The following PALS2 variants were observed in gnomAD, a reference collection of about 807,000 sequenced individuals.
PALS2 encodes the protein protein PALS2.
In PALS2, 27 loss-of-function variants were observed where a neutral mutation model predicts 61.6. The ratio of observed to expected loss-of-function variants is 0.44; its 90% CI spans 0.32 to 0.60. PALS2 has a LOEUF of 0.60. Among genes scored for constraint, PALS2 ranks in the 20% least tolerant of loss-of-function variants. The pLI is 0.05. For synonymous variants in PALS2, 236 were observed against 218.6 expected, an observed-to-expected ratio of 1.08 and a Z score of -0.70; for missense variants, 554 against 639.4, an observed-to-expected ratio of 0.87 and a Z score of 1.44.
intron 1 of PALS2, among the ~76,000 whole-genome samples, chr7:24,622,739 A>C (rs1327454715): frequency 1.4e-5 from 2 of 148,058 alleles, no homozygotes; most frequent in East Asian, 3.9e-4. Flanking sequence ...AAAGTTGAAT[A>C]AAAATGCCAA....
At chr7:24,627,078 C>A (rs191513829) in intron 2 of PALS2, among the ~76,000 whole-genome samples, 2 of 152,142 alleles carry the variant, frequency 1.3e-5, no homozygotes, top group Non-Finnish European at 2.9e-5. Context: ...TTCCTCTCAG[C>A]GCCACATAGC....
chr7:24,655,946 CCTT>C (rs1562645452), intron 5 of PALS2, among the ~76,000 whole-genome samples: 1 of 149,778 alleles, frequency 6.7e-6, no homozygotes, highest in Non-Finnish European at 1.5e-5. Context: ...ACCAAACATA[CCTT>C]CTTGTTATCT....
At position 24,679,245 on chromosome 7, in the gene PALS2, A is replaced by G. The variant is rs1787789805; in HGVS notation, c.1229A>G (p.Tyr410Cys). Residue 410 changes from tyrosine to cysteine, a missense_variant, in exon 10 of 12, where the codon TAT becomes TGT. Coordinates refer to ENST00000222644, the MANE Select transcript of PALS2 (RefSeq NM_001303037.2). ...KAGKYLEHGE[Y>C]EGNLYGTKID... ...GGAAAGTATTTGGAACATGGGGAAT[A>G]TGAAGGAAATCTCTATGGAACCAAA... 1 of 1,614,098 alleles carries G rather than the reference A, an allele frequency of 6.2e-7. No individual in the cohort carries two copies. Among genetic ancestry groups the G allele is most frequent in the Non-Finnish European group, 8.5e-7 (1 of 1,179,944 alleles).
chr7:24,692,909 A>G lies in PALS2; in HGVS notation c.*5295A>G, dbSNP rs1788541060. The stretch of plus-strand genomic sequence containing the variant: ...CATCTATTTCTTTATAGAAAGAAAC[A>G]TTCACAGTGAGGTCTTAGTTTGTGA... On this transcript the variant is annotated 3_prime_UTR_variant, in exon 12 of 12. Transcript: ENST00000222644. 6.6e-6 allele frequency: 1 copy of G among 152,210 alleles called. No homozygotes were observed. The highest frequency in any genetic ancestry group is 2.1e-4 in the South Asian group (1 of 4,830). 9.4% of individuals were successfully genotyped at this position (152,210 alleles called of 1,614,324 possible). A position where few individuals can be genotyped will look rare whatever the true frequency, so the allele number is the denominator to read the frequency against.
intron 2 of PALS2, among the ~76,000 whole-genome samples, chr7:24,626,315 GA>G (rs1205322509): frequency 3.3e-5 from 5 of 151,490 alleles, no homozygotes; most frequent in African/African-American, 1.2e-4. Context: ...AAGAAAGAAT[GA>G]AAAAAAGATA....
chr7:24,680,986 G>A (rs77176338), intron 11 of PALS2, among the ~76,000 whole-genome samples: 1 of 152,192 alleles, frequency 6.6e-6, no homozygotes, highest in East Asian at 1.9e-4. Context: ...ATCTGGAACA[G>A]TATTCTTTTA....
Position 24,680,512 on chromosome 7 carries a change from C to T in PALS2, c.1438C>T (p.Leu480Phe). The T allele has an allele frequency of 6.2e-7, 1 of 1,613,642 alleles. No individual in the cohort carries two copies. The highest frequency in any genetic ancestry group is 8.5e-7 in the Non-Finnish European group (1 of 1,179,724). ...AVVDAGITTKLLTDSDLKKTV... is the reference protein window; with the variant it reads ...AVVDAGITTKFLTDSDLKKTV... ...GGTGGATGCAGGAATCACTACCAAG[C>T]TTCTGACCGTGAGCTAACCATACGA... The change falls in exon 11 of 12, where the codon CTT (leucine) becomes TTT (phenylalanine). Residue 480 changes from leucine to phenylalanine, a missense_variant. Transcript: ENST00000222644.
chr7:24,643,493 C>CT (rs369186559), intron 3 of PALS2, among the ~76,000 whole-genome samples: 3 of 152,066 alleles, frequency 2.0e-5, no homozygotes, highest in Admixed American at 6.6e-5. Flanking sequence ...TTAACTTACT[C>CT]TTTTTTTAAG....
At chr7:24,617,342 A>G (rs1488904660) in intron 1 of PALS2, among the ~76,000 whole-genome samples, 1 of 152,026 alleles carries the variant, frequency 6.6e-6, no homozygotes, top group Non-Finnish European at 1.5e-5. Context: ...TTTCCTTACG[A>G]TTATTATTTT....
intron 9 of PALS2, among the ~76,000 whole-genome samples, chr7:24,669,285 T>C (rs1232641724): frequency 6.6e-6 from 1 of 152,244 alleles, no homozygotes; most frequent in Non-Finnish European, 1.5e-5. Context: ...TATTTGCATA[T>C]TTACATAGAA....
At chr7:24,656,079 A>G (rs1446595846) in intron 5 of PALS2, among the ~76,000 whole-genome samples, 1 of 152,172 alleles carries the variant, frequency 6.6e-6, no homozygotes, top group East Asian at 1.9e-4. Context: ...GTCATGGAAA[A>G]TCTCTTAGCA....
intron 1 of PALS2, among the ~76,000 whole-genome samples, chr7:24,592,523 CAT>C (rs1783327734): frequency 1.3e-5 from 2 of 151,932 alleles, no homozygotes; most frequent in Admixed American, 1.3e-4. Context: ...AGGGGAGAAA[CAT>C]GGTCATATTT....
chr7:24,666,108 T>A lies in PALS2; in HGVS notation c.952+19T>A. ...AATGCAGGTAGGTTTTAAATACTTT[T>A]TGAGAAGTCCAAGTGAAGTAGCTAT... On this transcript the variant is annotated intron_variant, in intron 8 of 11. Transcript: ENST00000222644. 1.3e-6 allele frequency: 2 copies of A among 1,588,408 alleles called. No homozygotes were observed. Among genetic ancestry groups the A allele is most frequent in the Non-Finnish European group, 1.7e-6 (2 of 1,158,918 alleles).
chr7:24,658,290 A>G (rs911541365), intron 5 of PALS2, among the ~76,000 whole-genome samples: 1 of 152,158 alleles, frequency 6.6e-6, no homozygotes, highest in African/African-American at 2.4e-5. Flanking sequence ...TTATATCTGC[A>G]TGTGTTTAAT....
At chr7:24,676,280 T>C (rs2128028728) in intron 9 of PALS2, among the ~76,000 whole-genome samples, 1 of 151,956 alleles carries the variant, frequency 6.6e-6, no homozygotes, top group Admixed American at 6.5e-5. Flanking sequence ...TATTAGCCCT[T>C]TGTCAGATGA....
intron 1 of PALS2, among the ~76,000 whole-genome samples, chr7:24,597,393 G>C (rs1016604041): frequency 2.0e-5 from 3 of 152,122 alleles, no homozygotes; most frequent in African/African-American, 7.2e-5. Context: ...AGTTTGAGGA[G>C]AGCTGTGGCT....
chr7:24,665,830 C>G (rs987500566), intron 7 of PALS2, 143 bp downstream of exon 7: 1 of 959,296 alleles, frequency 1.0e-6, no homozygotes, highest in Non-Finnish European at 1.5e-6. Context: ...CATAAGTAAT[C>G]TTTTTTGATC....
At chr7:24,666,879 A>G (rs1787045320) in intron 8 of PALS2, 1 of 152,206 alleles carries the variant, frequency 6.6e-6, no homozygotes, top group Admixed American at 6.5e-5. Context: ...AGAGGATGAC[A>G]GAAATAAAAA....
At chr7:24,650,462 A>T (rs775227784) in intron 4 of PALS2, 23 bp from the exon 5 acceptor site, 1 of 1,520,384 alleles carries the variant, frequency 6.6e-7, no homozygotes, top group Non-Finnish European at 8.9e-7. Flanking sequence ...ATTAATGAGA[A>T]ATCTGTTTCT....
Sources: gnomAD v4.1 joint callset for allele counts (sites outside exome capture counted in the v4.1 genomes callset) on GRCh38, gnomAD v4.1.1 for gene constraint, MANE v1.5 for transcripts, NCBI Gene and HGNC (gene_info 2026-07-23, HGNC 2026-07-21) for gene names.